The following LOXHD1 variants were observed in gnomAD, a reference collection of about 807,000 sequenced individuals.
LOXHD1 encodes lipoxygenase homology PLAT domains 1, also known as lipoxygenase homology domain-containing protein 1.
LOXHD1 carries 205 observed loss-of-function variants against 248.2 expected under a neutral mutation model. The ratio of observed to expected loss-of-function variants is 0.83; its 90% confidence interval spans 0.74 to 0.93. The LOEUF (loss-of-function observed/expected upper bound fraction) is 0.93. Among genes scored for constraint, LOXHD1 ranks in the 40% least tolerant of loss-of-function variants. LOXHD1 has a pLI of 0.00. For synonymous variants in LOXHD1, 1,113 were observed against 1,162.8 expected (o/e 0.96, Z 0.87); for missense variants, 2,930 against 2,971.6 (o/e 0.99, Z 0.33).
chr18:46,593,669 C>A lies in LOXHD1; in HGVS notation c.1362G>T (p.Gly454=). ...GATTCAGGAGAATCTCATCTGTCCGCCCCTTCTGCCCATAAATCTGGATGA... is the reference window on the plus strand; with the variant it reads ...GATTCAGGAGAATCTCATCTGTCCGACCCTTCTGCCCATAAATCTGGATGA... The part of the protein sequence containing the change: ...PIFIQIYGQK[G]RTDEILLNPN... Residue 454 remains glycine, a synonymous_variant, in exon 10 of 41, where the codon GGG becomes GGT. Transcript: ENST00000642948. 1 of 1,552,330 alleles carries A rather than the reference C, an allele frequency of 6.4e-7. No individual in the cohort carries two copies. Among genetic ancestry groups the A allele is most frequent in the Non-Finnish European group, 8.7e-7 (1 of 1,147,124 alleles).
In LOXHD1 at chr18:46,579,778, C is replaced by T. The variant is rs556492533; in HGVS notation, c.1661G>A (p.Arg554Gln). ...ACCTGTGCACACAGTCACATGGTACCGGGCCACTGGCAGGCAGAGAGAGGG... is the reference window on the plus strand; with the variant it reads ...ACCTGTGCACACAGTCACATGGTACTGGGCCACTGGCAGGCAGAGAGAGGG... The part of the protein sequence containing the change: ...PTVRRIMGMA[R>Q]YHVTVCTGEL... Residue 554 changes from arginine to glutamine, a missense_variant, in exon 13 of 41, where the codon CGG becomes CAG. Transcript: ENST00000642948. 2.6e-5 allele frequency: 41 copies of T among 1,551,306 alleles called. No homozygotes were observed. The highest frequency in any genetic ancestry group is 1.7e-4 in the East Asian group (7 of 40,914).
chr18:46,496,140 A>G (rs982667318), intron 37 of LOXHD1, among the ~76,000 whole-genome samples: 4 of 152,234 alleles, frequency 2.6e-5, no homozygotes, highest in African/African-American at 9.7e-5. Context: ...AAAGGTATGA[A>G]CAATACAGCT....
In LOXHD1 at chr18:46,549,308, C is replaced by T. The variant is rs186143109; in HGVS notation, c.3351-2250G>A. Among the ~76,000 whole-genome samples, 297 of 152,034 alleles carry T rather than the reference C, an allele frequency of 2.0e-3. 1 individual carries two copies. Among genetic ancestry groups the T allele is most frequent in the Non-Finnish European group, 2.9e-3 (194 of 68,014 alleles). The stretch of plus-strand genomic sequence containing the variant: ...GAAACTGAGCATCGAACCAAAAGCT[C>T]GAAACTGTTAAAAGTATAAACTCCA... On this transcript the variant is annotated intron_variant, in intron 21 of 40. Transcript: ENST00000642948.
intron 21 of LOXHD1, among the ~76,000 whole-genome samples, chr18:46,551,613 C>T (rs143642960): frequency 3.3e-5 from 5 of 152,074 alleles, no homozygotes; most frequent in African/African-American, 1.2e-4. Context: ...TGTAAACTGT[C>T]ATTTTTTTTC....
At chr18:46,634,174 A>T (rs1223504989) in intron 4 of LOXHD1, among the ~76,000 whole-genome samples, 7 of 152,266 alleles carry the variant, frequency 4.6e-5, no homozygotes, top group African/African-American at 1.7e-4. Context: ...AGGTGGAAAT[A>T]GTCCAATGTC....
At chr18:46,589,939 T>C (rs530852698) in intron 12 of LOXHD1, among the ~76,000 whole-genome samples, 2 of 152,242 alleles carry the variant, frequency 1.3e-5, no homozygotes, top group African/African-American at 4.8e-5. Flanking sequence ...ACATTACAAA[T>C]TAAAATAGAT....
At chr18:46,629,204 G>C (rs1465495524) in intron 4 of LOXHD1, among the ~76,000 whole-genome samples, 1 of 152,170 alleles carries the variant, frequency 6.6e-6, no homozygotes, top group African/African-American at 2.4e-5. Flanking sequence ...AGGATAGGAG[G>C]GGAACTGAGA....
In LOXHD1 at chr18:46,542,810, T is replaced by C. The variant is rs1457167690; in HGVS notation, c.3665A>G (p.Glu1222Gly). The stretch of plus-strand genomic sequence containing the variant: ...CGTGAAGATTTCAATGCTGTCCCTC[T>C]CAAACTTATCGCTGTTTGTCTTGGA... ...KSSKTNSDKF[E>G]RDSIEIFTVE... Residue 1222 changes from glutamate to glycine, a missense_variant, in exon 24 of 41, where the codon GAG becomes GGG. By Grantham distance (98) the Glu-to-Gly change is moderately conservative. Coordinates refer to ENST00000642948, the MANE Select transcript of LOXHD1 (RefSeq NM_001384474.1). The C allele has an allele frequency of 1.9e-6, 3 of 1,551,706 alleles. No homozygotes were observed. In the East Asian group the frequency reaches 7.3e-5, roughly 38 times the overall value.
intron 12 of LOXHD1, among the ~76,000 whole-genome samples, chr18:46,583,505 T>A (rs2038001096): frequency 6.6e-6 from 1 of 151,698 alleles, no homozygotes; most frequent in Non-Finnish European, 1.5e-5. Context: ...AACTAATAAC[T>A]CGATTAAGAA....
chr18:46,543,919 T>C (rs1027786309), intron 23 of LOXHD1, among the ~76,000 whole-genome samples: 4 of 152,166 alleles, frequency 2.6e-5, no homozygotes, highest in African/African-American at 9.7e-5. Context: ...TGGAGCATCT[T>C]CTCTGGATGA....
At chr18:46,656,865 A>T (rs1265441542) in intron 1 of LOXHD1, 39 bp downstream of exon 1, 1 of 1,547,212 alleles carries the variant, frequency 6.5e-7, no homozygotes, top group Non-Finnish European at 8.7e-7. Context: ...CACCGCAGCC[A>T]GCTGCACCAC....
At chr18:46,555,993 T>A (rs542246777) in intron 21 of LOXHD1, among the ~76,000 whole-genome samples, 82 of 152,024 alleles carry the variant, frequency 5.4e-4, no homozygotes, top group Non-Finnish European at 8.4e-4. Flanking sequence ...AAGCTATGCA[T>A]GGATTCACAT....
chr18:46,477,753 C>T lies in LOXHD1; in HGVS notation c.6541G>A (p.Ala2181Thr). The T allele has an allele frequency of 6.4e-7, 1 of 1,551,916 alleles. No homozygotes were observed. The highest frequency in any genetic ancestry group is 8.7e-7 in the Non-Finnish European group (1 of 1,147,046). Residue 2181 changes from alanine to threonine, a missense_variant, in exon 41 of 41, where the codon GCC becomes ACC. Physicochemically the swap from Ala to Thr is moderately conservative, Grantham distance 58. Coordinates refer to ENST00000642948, the MANE Select transcript of LOXHD1 (RefSeq NM_001384474.1). ...TCCCGCTTGCCTGTGTCTCCGTTGG[C>T]CCCAAAGATGGTCACGAAGACGTTG... ...DANVFVTIFGANGDTGKRELK... is the reference protein window; with the variant it reads ...DANVFVTIFGTNGDTGKRELK...
In LOXHD1 at chr18:46,545,335, CAA is replaced by C; in HGVS notation, c.3599_3600del (p.Phe1200TrpfsTer5). 7 of 1,551,598 alleles carry C rather than the reference CAA, an allele frequency of 4.5e-6. No individual in the cohort carries two copies. The highest frequency in any genetic ancestry group is 6.1e-6 in the Non-Finnish European group (7 of 1,146,856). On this transcript the variant is annotated frameshift_variant, in exon 23 of 41. Transcript: ENST00000642948. LOFTEE classifies it high-confidence loss of function. ...GTDANVFITL[F>X]GTQDDTGMTL... ...TTCTTACCAGTGTCATCCTGTGTGC[CAA>C]AGAGTGTGATGAAGACATTAGCATC...
intron 21 of LOXHD1, 51 bp from the exon 22 acceptor site, chr18:46,547,109 T>C: frequency 1.9e-6 from 3 of 1,546,836 alleles, no homozygotes; most frequent in Non-Finnish European, 2.6e-6. Flanking sequence ...AAAGGTCTCG[T>C]CCAGGAGCAG....
chr18:46,564,923 G>C (rs948548621), intron 17 of LOXHD1, among the ~76,000 whole-genome samples: 3 of 152,176 alleles, frequency 2.0e-5, no homozygotes, highest in African/African-American at 7.2e-5. Context: ...CAGGGAAGCT[G>C]CTGTGGAAGT....
At chr18:46,594,860 A>G (rs1014981052) in intron 8 of LOXHD1, among the ~76,000 whole-genome samples, 17 of 152,218 alleles carry the variant, frequency 1.1e-4, no homozygotes, top group African/African-American at 3.9e-4. Context: ...AATATCTGGA[A>G]TGTAATATAA....
chr18:46,604,282 CCTGGAGATCTAATCCAATCTTCCAATCA>C (rs1209292657), intron 6 of LOXHD1, 53 bp from the exon 7 acceptor site: 1 of 1,545,774 alleles, frequency 6.5e-7, no homozygotes, highest in African/African-American at 1.4e-5. Flanking sequence ...TGAGGGTGCA[CCTGGAGATCTAATCCAATCTTCCAATCA>C]CTTGAGTCTA....
At chr18:46,503,466 G>A (rs191751647) in intron 37 of LOXHD1, among the ~76,000 whole-genome samples, 2 of 152,294 alleles carry the variant, frequency 1.3e-5, no homozygotes, top group East Asian at 3.9e-4. Flanking sequence ...TGAGTGTCAT[G>A]GGAAGATCTC....
Sources: allele counts gnomAD v4.1 joint callset (sites outside exome capture counted in the v4.1 genomes callset), GRCh38; gene constraint gnomAD v4.1.1; transcripts MANE v1.5; gene names NCBI Gene and HGNC (gene_info 2026-07-23, HGNC 2026-07-21).